RICTOR: variants seen among roughly 807,000 people sequenced by gnomAD.
The protein encoded by RICTOR is rapamycin-insensitive companion of mTOR.
Under a neutral mutation model 214.9 loss-of-function variants are expected in RICTOR, and 49 were observed. The ratio of observed to expected loss-of-function variants is 0.23; its 90% CI spans 0.18 to 0.29. The LOEUF is 0.29. RICTOR is among the 10% of genes least tolerant of loss of function. RICTOR has a pLI of 1.00. For synonymous variants in RICTOR, 717 were observed against 711.3 expected (o/e 1.01, Z -0.13); for missense variants, 1,625 against 2,047.0 (o/e 0.79, Z 3.98).
At chr5:39,037,269 C>A (rs568529758) in intron 2 of RICTOR, among the ~76,000 whole-genome samples, 1 of 151,906 alleles carries the variant, frequency 6.6e-6, no homozygotes, top group African/African-American at 2.4e-5. Flanking sequence ...TTGAAACCAA[C>A]GAGAACAAAG....
chr5:39,005,178 G>A (rs1753956782), intron 3 of RICTOR, among the ~76,000 whole-genome samples: 1 of 152,128 alleles, frequency 6.6e-6, no homozygotes. Flanking sequence ...TAGCTATCCT[G>A]CTTAGGGTAA....
At chr5:39,025,171 A>G (rs895925361) in intron 2 of RICTOR, among the ~76,000 whole-genome samples, 3 of 152,160 alleles carry the variant, frequency 2.0e-5, no homozygotes, top group African/African-American at 7.2e-5. Flanking sequence ...TCTCCTTTAT[A>G]TAATTACCAA....
chr5:38,977,779 G>T lies in RICTOR; in HGVS notation c.821+804C>A, dbSNP rs1579976261. Among the ~76,000 whole-genome samples, 5 of 151,958 alleles carry T rather than the reference G, an allele frequency of 3.3e-5. No individual in the cohort carries two copies. The Middle Eastern group carries it at 0.017, about 517-fold the overall frequency. ...TTTTTGTATTTTTAGTAGAGACGGG[G>T]TTTCACCAGATTGGTCAGGCTGGTC... On this transcript the variant is annotated intron_variant, in intron 9 of 37. Transcript: ENST00000357387.
chr5:38,972,958 T>C (rs1432855191), intron 10 of RICTOR, among the ~76,000 whole-genome samples: 1 of 149,970 alleles, frequency 6.7e-6, no homozygotes, highest in Non-Finnish European at 1.5e-5. Flanking sequence ...ATATATACAA[T>C]AACATAAATG....
At chr5:39,074,045 C>T (rs997056226) in intron 2 of RICTOR, 66 bp downstream of exon 2, 2 of 1,294,692 alleles carry the variant, frequency 1.5e-6, no homozygotes, top group East Asian at 3.1e-5. Flanking sequence ...GCCTCTGGCC[C>T]CCAGCCCCGG....
intron 2 of RICTOR, among the ~76,000 whole-genome samples, chr5:39,070,965 G>A (rs1313556605): frequency 6.6e-6 from 1 of 152,094 alleles, no homozygotes; most frequent in East Asian, 1.9e-4. Context: ...TTACCAATAC[G>A]CTGACTGTAA....
chr5:39,048,635 C>T (rs907401874), intron 2 of RICTOR, among the ~76,000 whole-genome samples: 2 of 152,126 alleles, frequency 1.3e-5, no homozygotes, highest in Non-Finnish European at 2.9e-5. Context: ...TGCTGGTTTC[C>T]CCCAGACTTT....
chr5:38,956,081 T>G (rs1749236056), intron 25 of RICTOR, among the ~76,000 whole-genome samples: 1 of 152,096 alleles, frequency 6.6e-6, no homozygotes, highest in Non-Finnish European at 1.5e-5. Flanking sequence ...AAGTTGGACC[T>G]CTTATTTACT....
chr5:38,977,984 T>C (rs1751383332), intron 9 of RICTOR, among the ~76,000 whole-genome samples: 1 of 152,148 alleles, frequency 6.6e-6, no homozygotes. Context: ...TGCAATAAAG[T>C]CTACCAGAAA....
intron 2 of RICTOR, among the ~76,000 whole-genome samples, chr5:39,049,532 G>T (rs989148599): frequency 6.7e-6 from 1 of 150,282 alleles, no homozygotes. Flanking sequence ...CCAATAAAAT[G>T]TTATTTACAT....
chr5:39,009,256 C>T (rs530242804), intron 3 of RICTOR, among the ~76,000 whole-genome samples: 1 of 152,216 alleles, frequency 6.6e-6, no homozygotes, highest in Non-Finnish European at 1.5e-5. Flanking sequence ...ACACAATTTT[C>T]AAATTATCTA....
rs149171638 is a variant in RICTOR at position 39,042,511 on chromosome 5, C to T, written c.98-21375G>A. ...ACCAGATATGGCAATGAGATCTGAA[C>T]TTAAGCTGTATGACTCCAAAGTCTA... On this transcript the variant is annotated intron_variant, in intron 2 of 37. Transcript: ENST00000357387. 8.7e-3 allele frequency among the ~76,000 whole-genome samples: 1,326 copies of T among 152,298 alleles called. 8 individuals are homozygous for T. The highest frequency in any genetic ancestry group is 0.013 in the Non-Finnish European group (898 of 68,016).
chr5:38,991,541 AATTG>A (rs33936340), intron 6 of RICTOR, among the ~76,000 whole-genome samples: 143,572 of 151,882 alleles, frequency 0.95, 68,090 homozygotes, highest in East Asian at 0.99. Context: ...TCATGAAATT[AATTG>A]ATTAACTTGG....
chr5:39,013,314 T>C (rs187963550), intron 3 of RICTOR, among the ~76,000 whole-genome samples: 1 of 152,274 alleles, frequency 6.6e-6, no homozygotes, highest in East Asian at 1.9e-4. Flanking sequence ...GGTTAAAGAT[T>C]TTGATAATGT....
intron 2 of RICTOR, among the ~76,000 whole-genome samples, chr5:39,062,063 C>T (rs990376745): frequency 6.6e-6 from 1 of 151,932 alleles, no homozygotes. Flanking sequence ...TCTTATATGA[C>T]ATAAGAATTA....
Position 39,021,139 on chromosome 5 carries a change from A to G in RICTOR, c.98-3T>C. ...CTCTCTTAAGTTATCAGAAGGTTCT[A>G]GAAGGAAAGACAAGACAATTTAACA... is the stretch of plus-strand genomic sequence containing the variant. On this transcript the variant is annotated splice_region_variant and splice_polypyrimidine_tract_variant and intron_variant, in intron 2 of 37. Coordinates refer to ENST00000357387, the MANE Select transcript of RICTOR (RefSeq NM_152756.5). The G allele has an allele frequency of 6.8e-7, 1 of 1,477,026 alleles. No homozygotes were observed. Among genetic ancestry groups the G allele is most frequent in the Non-Finnish European group, 9.5e-7 (1 of 1,054,982 alleles). The allele number at this position is 1,477,026 out of a possible 1,614,324, so 91.5% of individuals were successfully genotyped here. A position where few individuals can be genotyped will look rare whatever the true frequency, so the allele number is the denominator to read the frequency against.
chr5:38,991,431 A>G (rs1054088013), intron 6 of RICTOR, among the ~76,000 whole-genome samples: 1 of 152,122 alleles, frequency 6.6e-6, no homozygotes, highest in East Asian at 1.9e-4. Flanking sequence ...TAGTCAATAT[A>G]CTACTGTACT....
rs116206579 is a variant in RICTOR at position 38,982,472 on chromosome 5, C to A, written c.584-436G>T. Among the ~76,000 whole-genome samples, 1,155 of 152,210 alleles carry A rather than the reference C, an allele frequency of 7.6e-3. 15 individuals carry two copies. Among genetic ancestry groups the A allele is most frequent in the African/African-American group, 0.026 (1,096 of 41,520 alleles). On this transcript the variant is annotated intron_variant, in intron 7 of 37. Coordinates refer to ENST00000357387, the MANE Select transcript of RICTOR (RefSeq NM_152756.5). ...TAATTTTAAGCTCAAAAATTTCTTG[C>A]TCCAAAGATCAGGCATTTATTTGCA...
At chr5:39,002,704 A>G (rs746304604) in intron 4 of RICTOR, 38 bp from the exon 5 acceptor site, 18 of 1,571,118 alleles carry the variant, frequency 1.1e-5, no homozygotes, top group Non-Finnish European at 1.5e-5. Context: ...TTTGCTGCAC[A>G]GGTTTCAAAT....
Sources: allele counts gnomAD v4.1 joint callset (sites outside exome capture counted in the v4.1 genomes callset), GRCh38; gene constraint gnomAD v4.1.1; transcripts MANE v1.5; gene names NCBI Gene and HGNC (gene_info 2026-07-23, HGNC 2026-07-21).